Variants in FOXP1 observed in about 807,000 individuals in gnomAD.
FOXP1 encodes the protein forkhead box protein P1.
In FOXP1, 15 loss-of-function variants were observed where a neutral mutation model predicts 98.2. The ratio of observed to expected loss-of-function variants is 0.15; its 90% CI spans 0.10 to 0.24. FOXP1 has a LOEUF of 0.24. Among genes scored for constraint, FOXP1 ranks in the 10% least tolerant of loss-of-function variants. The pLI is 1.00. For synonymous variants in FOXP1, 371 were observed against 314.5 expected (o/e 1.18, Z -1.90); for missense variants, 633 against 848.5 (o/e 0.75, Z 3.15).
At chr3:71,363,124 C>T (rs912603111) in intron 3 of FOXP1, among the ~76,000 whole-genome samples, 39 of 144,812 alleles carry the variant, frequency 2.7e-4, no homozygotes, top group African/African-American at 9.1e-4. Context: ...AAATGAATAA[C>T]TTTAAAAAAA....
intron 12 of FOXP1, among the ~76,000 whole-genome samples, chr3:71,008,583 T>TA (rs922881033): frequency 5.3e-5 from 8 of 151,332 alleles, no homozygotes; most frequent in Non-Finnish European, 7.4e-5. Flanking sequence ...GTTGATAGAT[T>TA]AAAAAAAAAT....
intron 5 of FOXP1, among the ~76,000 whole-genome samples, chr3:71,241,751 T>TA (rs2067301185): frequency 6.6e-6 from 1 of 152,236 alleles, no homozygotes; most frequent in Non-Finnish European, 1.5e-5. Flanking sequence ...TTTATGTCCA[T>TA]AATAACGGCA....
chr3:71,070,268 C>T (rs1048294692), intron 7 of FOXP1, among the ~76,000 whole-genome samples: 2 of 152,196 alleles, frequency 1.3e-5, no homozygotes, highest in South Asian at 2.1e-4. Context: ...CCTCCTCGCT[C>T]ACAGCAGGGG....
chr3:71,225,267 A>C (rs2065742854), intron 5 of FOXP1, among the ~76,000 whole-genome samples: 1 of 152,222 alleles, frequency 6.6e-6, no homozygotes, highest in African/African-American at 2.4e-5. Flanking sequence ...CACAGTTCAG[A>C]AGTGGCTCAA....
At chr3:71,081,608 G>C (rs919029887) in intron 7 of FOXP1, among the ~76,000 whole-genome samples, 4 of 152,204 alleles carry the variant, frequency 2.6e-5, no homozygotes, top group African/African-American at 9.7e-5. Flanking sequence ...CCAACACTTA[G>C]AACTGCTTTG....
intron 7 of FOXP1, among the ~76,000 whole-genome samples, chr3:71,109,802 C>T (rs1309713136): frequency 6.6e-6 from 1 of 152,084 alleles, no homozygotes; most frequent in African/African-American, 2.4e-5. Flanking sequence ...ATGTGCATGA[C>T]CCTATCAGGC....
At chr3:71,485,253 A>G (rs35384554) in intron 3 of FOXP1, among the ~76,000 whole-genome samples, 5,868 of 152,272 alleles carry the variant, frequency 0.039, 160 homozygotes, top group Non-Finnish European at 0.051. Context: ...CATCTCCCCA[A>G]TATCCCTTTT....
At chr3:71,221,856 T>C (rs2065414726) in intron 5 of FOXP1, among the ~76,000 whole-genome samples, 1 of 152,190 alleles carries the variant, frequency 6.6e-6, no homozygotes, top group African/African-American at 2.4e-5. Context: ...CTGAAGCCAA[T>C]CAGAACAAAG....
At chr3:71,226,995 GGA>G (rs1158097685) in intron 5 of FOXP1, among the ~76,000 whole-genome samples, 3 of 152,120 alleles carry the variant, frequency 2.0e-5, no homozygotes, top group African/African-American at 7.2e-5. Flanking sequence ...CTGTGGGTGG[GGA>G]GAGTCATTTT....
At chr3:71,328,997 A>AAAAC in intron 4 of FOXP1, among the ~76,000 whole-genome samples, 1 of 150,678 alleles carries the variant, frequency 6.6e-6, no homozygotes, top group Non-Finnish European at 1.5e-5. Context: ...AAACAAAAAA[A>AAAAC]AAAAAACTGA....
intron 6 of FOXP1, among the ~76,000 whole-genome samples, chr3:71,113,030 A>T (rs777526105): frequency 7.2e-5 from 11 of 152,094 alleles, no homozygotes; most frequent in Non-Finnish European, 1.5e-4. Context: ...CCCTCCCCAA[A>T]TTCTTCTTGG....
chr3:71,549,768 C>A (rs2045627695), intron 2 of FOXP1, among the ~76,000 whole-genome samples: 1 of 142,138 alleles, frequency 7.0e-6, no homozygotes, highest in Admixed American at 7.4e-5. Flanking sequence ...TCAACTGTAA[C>A]ATCAAATCAT....
At chr3:71,339,224 C>T (rs1273161424) in intron 4 of FOXP1, among the ~76,000 whole-genome samples, 1 of 152,214 alleles carries the variant, frequency 6.6e-6, no homozygotes, top group Non-Finnish European at 1.5e-5. Flanking sequence ...AAATTTACAA[C>T]AACACAAGTA....
At chr3:71,273,802 A>G (rs1384127468) in intron 5 of FOXP1, among the ~76,000 whole-genome samples, 2 of 152,232 alleles carry the variant, frequency 1.3e-5, no homozygotes, top group Admixed American at 6.5e-5. Flanking sequence ...ATGCTCTACT[A>G]TTCTGAGCAC....
chr3:71,329,820 T>C (rs2076190811), intron 4 of FOXP1: 1 of 152,194 alleles, frequency 6.6e-6, no homozygotes. Context: ...CAAAACAGTA[T>C]CTACAATCAA....
At chr3:71,476,860 T>A (rs2089894155) in intron 3 of FOXP1, among the ~76,000 whole-genome samples, 2 of 152,126 alleles carry the variant, frequency 1.3e-5, no homozygotes, top group African/African-American at 4.8e-5. Flanking sequence ...TGTCCTTTGG[T>A]CTTATTTGCA....
intron 5 of FOXP1, chr3:71,276,386 T>C (rs973133894): frequency 7.9e-5 from 12 of 152,066 alleles, no homozygotes; most frequent in Non-Finnish European, 2.9e-5. Flanking sequence ...ATGGAAACGG[T>C]TCTTCCCTGA....
At chr3:71,223,620 A>G (rs989414567) in intron 5 of FOXP1, among the ~76,000 whole-genome samples, 2 of 150,060 alleles carry the variant, frequency 1.3e-5, no homozygotes, top group African/African-American at 4.9e-5. Context: ...GCCTGAACCC[A>G]GGAGACGGAG....
chr3:71,396,725 A>G (rs11720193), intron 3 of FOXP1, among the ~76,000 whole-genome samples: 86,486 of 144,984 alleles, frequency 0.6, 27,453 homozygotes, highest in Non-Finnish European at 0.68. Flanking sequence ...GAAGACAGCA[A>G]CAGCAGAGCA....
Sources: allele counts gnomAD v4.1 joint callset (sites outside exome capture counted in the v4.1 genomes callset), GRCh38; gene constraint gnomAD v4.1.1; transcripts MANE v1.5; gene names NCBI Gene and HGNC (gene_info 2026-07-23, HGNC 2026-07-21).